Variants in CFAP157 observed in about 807,000 individuals in gnomAD.
The protein encoded by CFAP157 is cilia- and flagella-associated protein 157.
Under a neutral mutation model 57.8 loss-of-function variants are expected in CFAP157, and 43 were observed. The observed-to-expected ratio is 0.74, with a 90% CI of 0.58 to 0.96. CFAP157 has a LOEUF of 0.96. Among genes scored for constraint, CFAP157 ranks in the 40% least tolerant of loss-of-function variants. The probability of loss-of-function intolerance (pLI) is 0.00; values close to 1 mark genes in which losing one functional copy is unlikely to be tolerated. For missense variants in CFAP157, 606 were observed against 655.3 expected (o/e 0.92, Z 0.82); for synonymous variants, 267 against 269.0 (o/e 0.99, Z 0.07).
At chr9:127,713,760 G>A in intron 8 of CFAP157, 74 bp from the exon 9 acceptor site, 2 of 1,269,968 alleles carry the variant, frequency 1.6e-6, no homozygotes, top group Non-Finnish European at 2.3e-6. Context: ...CCCAGCCTCG[G>A]CCTCCCAAAG....
chr9:127,714,273 T>G lies in CFAP157; in HGVS notation c.*368T>G. On this transcript the variant is annotated 3_prime_UTR_variant, in exon 9 of 9. Coordinates refer to ENST00000373295, the MANE Select transcript of CFAP157 (RefSeq NM_001012502.3). ...GGGCGCCCGATACCCACCCGCAGCC[T>G]TGGCATTGCCTGTGGGAGAGCCAGA... is the stretch of plus-strand genomic sequence containing the variant. The G allele has an allele frequency of 6.2e-7, 1 of 1,613,936 alleles. No individual in the cohort carries two copies. The highest frequency in any genetic ancestry group is 1.7e-5 in the Admixed American group (1 of 60,018).
intron 3 of CFAP157, among the ~76,000 whole-genome samples, 169 bp downstream of exon 3, chr9:127,710,923 G>A (rs1564365853): frequency 1.3e-5 from 2 of 152,156 alleles, no homozygotes; most frequent in Non-Finnish European, 2.9e-5. Flanking sequence ...ATGGAGGGGT[G>A]GGAGAAAAGG....
rs1842710432 is a variant in CFAP157, at chr9:127,709,294, G to A, written c.162-128G>A. ...AGGGGCATAGTGGGAGATGAGGCTGGATTCTGATCACAAGGAAACTCAAAT... is the reference window on the plus strand; with the variant it reads ...AGGGGCATAGTGGGAGATGAGGCTGAATTCTGATCACAAGGAAACTCAAAT... On this transcript the variant is annotated intron_variant, in intron 1 of 8. Coordinates refer to ENST00000373295, the MANE Select transcript of CFAP157 (RefSeq NM_001012502.3). The surrounding 1 kb of genome is among the most constrained non-coding windows in gnomAD (Gnocchi z 4.7). The A allele has an allele frequency of 3.1e-6, 3 of 962,632 alleles. No individual in the cohort carries two copies. Among genetic ancestry groups the A allele is most frequent in the Non-Finnish European group, 4.6e-6 (3 of 652,240 alleles). 59.6% of individuals were successfully genotyped at this position (962,632 alleles called of 1,614,324 possible).
chr9:127,709,699 G>A lies in CFAP157; in HGVS notation c.433+6G>A, dbSNP rs746543146. ...CACGGAGAACATCATCCTTGGTGAG[G>A]AGGGGACTGGCTGGTGAGCCTGCAG... On this transcript the variant is annotated splice_donor_region_variant and intron_variant, in intron 2 of 8. Coordinates refer to ENST00000373295, the MANE Select transcript of CFAP157 (RefSeq NM_001012502.3). This position sits in a 1 kb window ranked among gnomAD's most constrained non-coding sequence, Gnocchi z 4.7. 2 of 1,611,022 alleles carry A rather than the reference G, an allele frequency of 1.2e-6. No individual in the cohort carries two copies. The highest frequency in any genetic ancestry group is 1.7e-6 in the Non-Finnish European group (2 of 1,178,198).
At position 127,707,138 on chromosome 9, in the gene CFAP157, A is replaced by G; in HGVS notation, c.107A>G (p.Glu36Gly). 1 of 1,613,764 alleles carries G rather than the reference A, an allele frequency of 6.2e-7. No homozygotes were observed. Among genetic ancestry groups the G allele is most frequent in the Non-Finnish European group, 8.5e-7 (1 of 1,180,000 alleles). The change falls in exon 1 of 9, where the codon GAG becomes GGG. Residue 36 changes from glutamate to glycine, a missense_variant. Coordinates refer to ENST00000373295, the MANE Select transcript of CFAP157 (RefSeq NM_001012502.3). Reference protein sequence around the residue: ...VVAVEPPLAKEMKEFYHIQIR... With the variant: ...VVAVEPPLAKGMKEFYHIQIR... Reference sequence around the variant, plus strand: ...GCCGTGGAGCCGCCTCTGGCCAAGGAGATGAAGGAGTTCTACCACATCCAG... The same window carrying G: ...GCCGTGGAGCCGCCTCTGGCCAAGGGGATGAAGGAGTTCTACCACATCCAG...
At position 127,713,888 on chromosome 9, in the gene CFAP157, C is replaced by T. The variant is rs1842829679; in HGVS notation, c.1546C>T (p.Pro516Ser). 10 of 1,613,916 alleles carry T rather than the reference C, an allele frequency of 6.2e-6. No individual in the cohort carries two copies. Among genetic ancestry groups the T allele is most frequent in the Non-Finnish European group, 7.6e-6 (9 of 1,179,954 alleles). Residue 516 changes from proline (P) to serine (S), a missense_variant, in exon 9 of 9, where the codon CCC becomes TCC. Coordinates refer to ENST00000373295, the MANE Select transcript of CFAP157 (RefSeq NM_001012502.3). Reference sequence around the variant, plus strand: ...TGAAAAGTTTAGTCTTCCTGAAGTTCCCCTACGTCCCAAGTAGGACACAGA... The same window carrying T: ...TGAAAAGTTTAGTCTTCCTGAAGTTTCCCTACGTCCCAAGTAGGACACAGA... ...RLEKFSLPEV[P>S]LRPK
At chr9:127,710,893 T>C in intron 3 of CFAP157, 139 bp downstream of exon 3, 1 of 980,994 alleles carries the variant, frequency 1.0e-6, no homozygotes, top group Non-Finnish European at 1.5e-6. Context: ...TGCTACTCCT[T>C]GGAATCCCAG....
chr9:127,713,222 G>A lies in CFAP157; in HGVS notation c.1491+16G>A, dbSNP rs1842810030. ...CAGCCCTGAGGTGAGGGTGCCAGGG[G>A]CCCCAGGGAAAGCAAGGTGGCAGCT... is the stretch of plus-strand genomic sequence containing the variant. On this transcript the variant is annotated intron_variant, in intron 8 of 8. Transcript: ENST00000373295. 4 of 1,514,948 alleles carry A rather than the reference G, an allele frequency of 2.6e-6. No homozygotes were observed. Among genetic ancestry groups the A allele is most frequent in the South Asian group, 1.3e-5 (1 of 75,236 alleles). The allele number at this position is 1,514,948 out of a possible 1,614,324, so 93.8% of individuals were successfully genotyped here.
Position 127,709,190 on chromosome 9 carries a change from A to G in CFAP157, c.162-232A>G, listed in dbSNP as rs1230150689. ...GTAAACATAACAAGGCCCTGCCCTC[A>G]TGGAGTTTACATTCTAGTGATGTAA... is the stretch of plus-strand genomic sequence containing the variant. On this transcript the variant is annotated intron_variant, in intron 1 of 8. Coordinates refer to ENST00000373295, the MANE Select transcript of CFAP157 (RefSeq NM_001012502.3). The surrounding 1 kb of genome is among the most constrained non-coding windows in gnomAD (Gnocchi z 4.7). 6.6e-6 allele frequency among the ~76,000 whole-genome samples: 1 copy of G among 152,248 alleles called. No individual in the cohort carries two copies. The highest frequency in any genetic ancestry group is 1.9e-4 in the East Asian group (1 of 5,204).
Position 127,709,821 on chromosome 9 carries a change from C to T in CFAP157, c.433+128C>T. ...GGCACACACTGTCTTCCTTAATTGTCCCAGCAATCCTACGAAGCTGGAAAC... is the reference window on the plus strand; with the variant it reads ...GGCACACACTGTCTTCCTTAATTGTTCCAGCAATCCTACGAAGCTGGAAAC... On this transcript the variant is annotated intron_variant, in intron 2 of 8. Coordinates refer to ENST00000373295, the MANE Select transcript of CFAP157 (RefSeq NM_001012502.3). The surrounding 1 kb of genome is among the most constrained non-coding windows in gnomAD (Gnocchi z 4.7). 1 of 1,069,882 alleles carries T rather than the reference C, an allele frequency of 9.3e-7. No individual in the cohort carries two copies. The highest frequency in any genetic ancestry group is 1.3e-6 in the Non-Finnish European group (1 of 749,528). 66.3% of individuals were successfully genotyped at this position (1,069,882 alleles called of 1,614,324 possible).
At chr9:127,712,143 T>G (rs1588394260) in intron 5 of CFAP157, 56 bp from the exon 6 acceptor site, 1 of 1,591,964 alleles carries the variant, frequency 6.3e-7, no homozygotes, top group Non-Finnish European at 8.6e-7. Context: ...TGGCCCCAGG[T>G]GGCCCCAGTC....
In CFAP157 at chr9:127,711,757, G is replaced by A. The variant is rs1405569087; in HGVS notation, c.856-63G>A. 10 of 1,522,948 alleles carry A rather than the reference G, an allele frequency of 6.6e-6. No individual in the cohort carries two copies. The East Asian group carries it at 2.5e-4, about 37-fold the overall frequency. 94.3% of individuals were successfully genotyped at this position (1,522,948 alleles called of 1,614,324 possible). A position where few individuals can be genotyped will look rare whatever the true frequency, so the allele number is the denominator to read the frequency against. On this transcript the variant is annotated intron_variant, in intron 4 of 8. Coordinates refer to ENST00000373295, the MANE Select transcript of CFAP157 (RefSeq NM_001012502.3). ...CTGCATAGGGGAACACGGGAGGCCT[G>A]GCTGTGTCTGCAGCTGGGGGACAGG...
At position 127,715,905 on chromosome 9, in the gene CFAP157, T is replaced by C. The variant is rs1441620630; in HGVS notation, c.*2000T>C. On this transcript the variant is annotated 3_prime_UTR_variant, in exon 9 of 9. Transcript: ENST00000373295. This position sits in a 1 kb window ranked among gnomAD's most constrained non-coding sequence, Gnocchi z 5.8. ...GACCTTCGGTTGGGAGGCCTTGTTATGCCCCCCGCTATGGCCCTGACTTGC... is the reference window on the plus strand; with the variant it reads ...GACCTTCGGTTGGGAGGCCTTGTTACGCCCCCCGCTATGGCCCTGACTTGC... 3 of 767,204 alleles carry C rather than the reference T, an allele frequency of 3.9e-6. No individual in the cohort carries two copies. Among genetic ancestry groups the C allele is most frequent in the Non-Finnish European group, 6.2e-6 (3 of 487,386 alleles). The allele number at this position is 767,204 out of a possible 1,614,324, so 47.5% of individuals were successfully genotyped here.
intron 8 of CFAP157, chr9:127,713,543 G>T (rs1588397024): frequency 3.2e-5 from 6 of 190,154 alleles, no homozygotes; most frequent in East Asian, 1.2e-4. Flanking sequence ...GTCTCACTCT[G>T]TCACCCAGAC....
At position 127,712,588 on chromosome 9, in the gene CFAP157, T is replaced by G. The variant is rs1202997215; in HGVS notation, c.1138-121T>G. On this transcript the variant is annotated intron_variant, in intron 6 of 8. Transcript: ENST00000373295. ...GGCCTCAGTCTTCCCGACTGAAGAA[T>G]GGGTATCCCACCACAGACAGGGAAA... The G allele has an allele frequency of 1.9e-6, 3 of 1,575,834 alleles. No homozygotes were observed. The Admixed American group carries it at 5.6e-5, about 29-fold the overall frequency.
chr9:127,707,283 G>A (rs1179793988), intron 1 of CFAP157, 91 bp downstream of exon 1: 33 of 1,425,476 alleles, frequency 2.3e-5, no homozygotes, highest in Non-Finnish European at 3.0e-5. Context: ...GGGGCCTTAG[G>A]CCTGTGTTCT....
At chr9:127,710,264 C>T (rs1489872218) in intron 2 of CFAP157, among the ~76,000 whole-genome samples, 1 of 137,392 alleles carries the variant, frequency 7.3e-6, no homozygotes, top group African/African-American at 2.8e-5. Flanking sequence ...GCCTGAGTGA[C>T]AGAGGAAGAC....
Position 127,714,917 on chromosome 9 carries a change from C to CCCCCCCCCACCCCCCCCCCCCAT in CFAP157, c.*1012_*1013insCCCCCCCCACCCCCCCCCCCCAT. On this transcript the variant is annotated 3_prime_UTR_variant, in exon 9 of 9. Coordinates refer to ENST00000373295, the MANE Select transcript of CFAP157 (RefSeq NM_001012502.3). ...ACAGCCAGTGCTCCCCTCTGGCCCC[C>CCCCCCCCCACCCCCCCCCCCCAT]GCGCCCCAACCCCCACCCCCTTGGC... 1 of 799,012 alleles carries CCCCCCCCCACCCCCCCCCCCCAT rather than the reference C, an allele frequency of 1.3e-6. No homozygotes were observed. Among genetic ancestry groups the CCCCCCCCCACCCCCCCCCCCCAT allele is most frequent in the Non-Finnish European group, 2.0e-6 (1 of 512,644 alleles). The allele number at this position is 799,012 out of a possible 1,614,324, so 49.5% of individuals were successfully genotyped here.
Position 127,709,323 on chromosome 9 carries a change from C to A in CFAP157, c.162-99C>A, listed in dbSNP as rs111737622. The A allele has an allele frequency of 3.6e-3, 4,711 of 1,292,126 alleles. 139 individuals are homozygous for A. The African/African-American group carries it at 0.06, about 16-fold the overall frequency. 80.0% of individuals were successfully genotyped at this position (1,292,126 alleles called of 1,614,324 possible). On this transcript the variant is annotated intron_variant, in intron 1 of 8. Transcript: ENST00000373295. This position sits in a 1 kb window ranked among gnomAD's most constrained non-coding sequence, Gnocchi z 4.7. Reference sequence around the variant, plus strand: ...CTGATCACAAGGAAACTCAAATGCCCCTTTACGGGACAGGGAGTCCAGGAG... The same window carrying A: ...CTGATCACAAGGAAACTCAAATGCCACTTTACGGGACAGGGAGTCCAGGAG...
Sources: allele counts gnomAD v4.1 joint callset (sites outside exome capture counted in the v4.1 genomes callset), GRCh38; gene constraint gnomAD v4.1.1; non-coding constraint Gnocchi (gnomAD v3.1); transcripts MANE v1.5; gene names NCBI Gene and HGNC (gene_info 2026-07-23, HGNC 2026-07-21).